The following SATB1 variants were observed in gnomAD, a reference collection of about 807,000 sequenced individuals.
SATB1 encodes the protein DNA-binding protein SATB1.
In SATB1, 11 loss-of-function variants were observed where a neutral mutation model predicts 86.9. The ratio of observed to expected loss-of-function variants is 0.13; its 90% CI spans 0.08 to 0.21. The LOEUF (loss-of-function observed/expected upper bound fraction) is 0.21. Among genes scored for constraint, SATB1 ranks in the 10% least tolerant of loss-of-function variants. SATB1 has a pLI of 1.00. For missense variants in SATB1, 551 were observed against 937.6 expected, an observed-to-expected ratio of 0.59 and a Z score of 5.39; for synonymous variants, 357 against 357.2, an observed-to-expected ratio of 1.00 and a Z score of 0.01.
chr3:18,368,088 C>T (rs528198533), intron 9 of SATB1, among the ~76,000 whole-genome samples: 11 of 152,142 alleles, frequency 7.2e-5, no homozygotes, highest in Non-Finnish European at 1.3e-4. Context: ...AATAGCAAAC[C>T]CCCATTTGGG....
At chr3:18,351,720 T>C in intron 10 of SATB1, 2 of 526,306 alleles carry the variant, frequency 3.8e-6, no homozygotes, top group Non-Finnish European at 6.8e-6. Flanking sequence ...CAAAACCCAA[T>C]ACCAACAAAG....
chr3:18,361,770 A>C (rs1262548145), intron 9 of SATB1, among the ~76,000 whole-genome samples: 1 of 152,218 alleles, frequency 6.6e-6, no homozygotes, highest in Non-Finnish European at 1.5e-5. Flanking sequence ...TTGTACTAGC[A>C]AAAGTTGAAT....
chr3:18,433,417 C>G (rs190562318), intron 2 of SATB1, among the ~76,000 whole-genome samples: 8 of 152,106 alleles, frequency 5.3e-5, no homozygotes, highest in Admixed American at 3.3e-4. Flanking sequence ...CAAATTTAAT[C>G]AGCTCAGTTA....
rs79820594 is a variant in SATB1, at chr3:18,394,102, C to T, written c.1206+360G>A. Among the ~76,000 whole-genome samples, 147 of 152,284 alleles carry T rather than the reference C, an allele frequency of 9.7e-4. No homozygotes were observed. Among genetic ancestry groups the T allele is most frequent in the Middle Eastern group, 3.4e-3 (1 of 294 alleles). ...ATGGAAAAGACAATAGGCTAGAAGC[C>T]TGGAATCCTGCCAATAGCCTTGACT... is the stretch of plus-strand genomic sequence containing the variant. On this transcript the variant is annotated intron_variant, in intron 7 of 10. Coordinates refer to ENST00000338745, the MANE Select transcript of SATB1 (RefSeq NM_002971.6). The surrounding 1 kb of genome is among the most constrained non-coding windows in gnomAD (Gnocchi z 5.9).
At position 18,347,318 on chromosome 3, in the gene SATB1, C is replaced by T. The variant is rs949824046; in HGVS notation, c.*1852G>A. The T allele has an allele frequency of 2.0e-5, 3 of 152,094 alleles. No homozygotes were observed. The highest frequency in any genetic ancestry group is 2.0e-4 in the Admixed American group (3 of 15,268). The allele number at this position is 152,094 out of a possible 1,614,324, so 9.4% of individuals were successfully genotyped here. Reference sequence around the variant, plus strand: ...TGTAATGCTGGCCTCAATCCTGTGACCATTAGCACACCTCATTTTATATTC... The same window carrying T: ...TGTAATGCTGGCCTCAATCCTGTGATCATTAGCACACCTCATTTTATATTC... On this transcript the variant is annotated 3_prime_UTR_variant, in exon 11 of 11. Coordinates refer to ENST00000338745, the MANE Select transcript of SATB1 (RefSeq NM_002971.6).
In SATB1 at chr3:18,386,676, TC is replaced by T; in HGVS notation, c.1207-66del. ...GCTTTGCCTGGCCAGCAGTGATCCT[TC>T]CCTTTTCTTCTCCACTCTGTTTAGA... is the stretch of plus-strand genomic sequence containing the variant. On this transcript the variant is annotated intron_variant, in intron 7 of 10. Transcript: ENST00000338745. The surrounding 1 kb of genome is among the most constrained non-coding windows in gnomAD (Gnocchi z 4.5). The T allele has an allele frequency of 7.9e-7, 1 of 1,259,348 alleles. No individual in the cohort carries two copies. The allele number at this position is 1,259,348 out of a possible 1,614,324, so 78.0% of individuals were successfully genotyped here.
intron 5 of SATB1, among the ~76,000 whole-genome samples, chr3:18,398,063 C>A (rs1289910728): frequency 2.6e-5 from 4 of 152,096 alleles, no homozygotes; most frequent in African/African-American, 9.7e-5. Flanking sequence ...ACATTTCATG[C>A]TTCTAAATTT....
In SATB1 at chr3:18,375,815, T is replaced by G. The variant is rs1695717812; in HGVS notation, c.1575+2355A>C. On this transcript the variant is annotated intron_variant, in intron 9 of 10. Transcript: ENST00000338745. ...TAGTGCTAACATTAAACTGAACAAC[T>G]AAGTCAAGACTACAAAAATGCTCTA... is the stretch of plus-strand genomic sequence containing the variant. Among the ~76,000 whole-genome samples the G allele has an allele frequency of 2.6e-5, 4 of 152,180 alleles. 1 individual carries two copies. Among genetic ancestry groups the G allele is most frequent in the Admixed American group, 2.6e-4 (4 of 15,278 alleles).
In SATB1 at chr3:18,422,331, C is replaced by T. The variant is rs913592648; in HGVS notation, c.-25+1296G>A. On this transcript the variant is annotated intron_variant, in intron 1 of 10. Transcript: ENST00000338745. The stretch of plus-strand genomic sequence containing the variant: ...TTTTCTTCTGTTTAACCATAGCCTA[C>T]TTCTTACCATATAATCAAGAAAAGG... 5.3e-5 allele frequency among the ~76,000 whole-genome samples: 8 copies of T among 152,260 alleles called. No individual in the cohort carries two copies. The East Asian group carries it at 1.2e-3, about 22-fold the overall frequency.
At chr3:18,384,984 A>G (rs1029846848) in intron 8 of SATB1, among the ~76,000 whole-genome samples, 6 of 152,216 alleles carry the variant, frequency 3.9e-5, no homozygotes, top group African/African-American at 1.4e-4. Context: ...TCATTAAATA[A>G]ACTAGTGAAA....
At chr3:18,382,247 T>G (rs1240592341) in intron 8 of SATB1, among the ~76,000 whole-genome samples, 1 of 152,118 alleles carries the variant, frequency 6.6e-6, no homozygotes, top group Admixed American at 6.5e-5. Context: ...TTTAGGTAAT[T>G]ACATAAAGAG....
At position 18,349,098 on chromosome 3, in the gene SATB1, G is replaced by T; in HGVS notation, c.*72C>A. 6.5e-7 allele frequency: 1 copy of T among 1,542,496 alleles called. No homozygotes were observed. The highest frequency in any genetic ancestry group is 8.7e-7 in the Non-Finnish European group (1 of 1,149,318). ...AATGAACAACAAAGGTTTTCTGAGA[G>T]AAGACAAGGTGGACTTTTCATTTTG... is the stretch of plus-strand genomic sequence containing the variant. On this transcript the variant is annotated 3_prime_UTR_variant, in exon 11 of 11. Coordinates refer to ENST00000338745, the MANE Select transcript of SATB1 (RefSeq NM_002971.6). This position sits in a 1 kb window ranked among gnomAD's most constrained non-coding sequence, Gnocchi z 5.5.
At chr3:18,356,534 A>C (rs1694651162) in intron 9 of SATB1, among the ~76,000 whole-genome samples, 1 of 151,898 alleles carries the variant, frequency 6.6e-6, no homozygotes, top group Admixed American at 6.6e-5. Context: ...TCCATGAAAC[A>C]CATGACTGTA....
chr3:18,413,865 G>C (rs1260689847), intron 5 of SATB1, among the ~76,000 whole-genome samples: 1 of 151,992 alleles, frequency 6.6e-6, no homozygotes, highest in African/African-American at 2.4e-5. Flanking sequence ...AAAATTTCTA[G>C]CAAATATCAA....
intron 8 of SATB1, among the ~76,000 whole-genome samples, chr3:18,385,450 G>C (rs1384979373): frequency 6.6e-6 from 1 of 151,858 alleles, no homozygotes; most frequent in African/African-American, 2.4e-5. Flanking sequence ...GTGAAACCCC[G>C]TCTCTACTAA....
chr3:18,425,844 G>C (rs1428130469), upstream of SATB1, among the ~76,000 whole-genome samples: 1 of 144,296 alleles, frequency 6.9e-6, no homozygotes, highest in Non-Finnish European at 1.5e-5. Flanking sequence ...GGGCAGGACG[G>C]GCACGGGGGG....
Position 18,380,095 on chromosome 3 carries a change from T to G in SATB1, c.1420-1770A>C, listed in dbSNP as rs556534690. ...ACTTTGCTCTGGGGTGGTCTTGCTT[T>G]GAGGCAGAGGGATAGATTTGATCAC... On this transcript the variant is annotated intron_variant, in intron 8 of 10. Coordinates refer to ENST00000338745, the MANE Select transcript of SATB1 (RefSeq NM_002971.6). Among the ~76,000 whole-genome samples, 292 of 152,310 alleles carry G rather than the reference T, an allele frequency of 1.9e-3. 2 individuals carry two copies. Among genetic ancestry groups the G allele is most frequent in the African/African-American group, 6.8e-3 (282 of 41,564 alleles).
At chr3:18,368,823 G>A (rs1326481412) in intron 9 of SATB1, among the ~76,000 whole-genome samples, 2 of 152,118 alleles carry the variant, frequency 1.3e-5, no homozygotes, top group African/African-American at 2.4e-5. Flanking sequence ...GTTCCAGGAC[G>A]TATGATTCAA....
At chr3:18,377,974 G>C (rs1003947501) in intron 9 of SATB1, among the ~76,000 whole-genome samples, 196 bp downstream of exon 9, 5 of 152,084 alleles carry the variant, frequency 3.3e-5, no homozygotes, top group Non-Finnish European at 5.9e-5. Flanking sequence ...GGTCTGAGGA[G>C]TGGCTATTGG....
Sources: allele counts gnomAD v4.1 joint callset (sites outside exome capture counted in the v4.1 genomes callset), GRCh38; gene constraint gnomAD v4.1.1; non-coding constraint Gnocchi (gnomAD v3.1); transcripts MANE v1.5; gene names NCBI Gene and HGNC (gene_info 2026-07-23, HGNC 2026-07-21).